ARHGEF3: variants seen among roughly 807,000 people sequenced by gnomAD.
The protein encoded by ARHGEF3 is 59.8 kDA protein.
A neutral mutation model predicts 63.2 loss-of-function variants in ARHGEF3; 28 were observed. The ratio of observed to expected loss-of-function variants is 0.44; its 90% CI spans 0.33 to 0.61. The LOEUF is 0.61. Among genes scored for constraint, ARHGEF3 ranks in the 20% least tolerant of loss-of-function variants. ARHGEF3 has a pLI of 0.03. For missense variants in ARHGEF3, 533 were observed against 659.3 expected (o/e 0.81, Z 2.10); for synonymous variants, 266 against 254.2 (o/e 1.05, Z -0.44).
chr3:56,798,605 T>C (rs2037487501), intron 1 of ARHGEF3, among the ~76,000 whole-genome samples: 1 of 152,208 alleles, frequency 6.6e-6, no homozygotes, highest in African/African-American at 2.4e-5. Context: ...AAATATTGAT[T>C]TTTAACTTAC....
At chr3:56,740,341 TGTC>T (rs1396037759) in intron 7 of ARHGEF3, among the ~76,000 whole-genome samples, 1 of 152,132 alleles carries the variant, frequency 6.6e-6, no homozygotes, top group Non-Finnish European at 1.5e-5. Context: ...TGGCCTTTGA[TGTC>T]AACCTAATAT....
chr3:56,950,405 A>C (rs955635020), intron 3 of ARHGEF3, among the ~76,000 whole-genome samples: 5 of 152,010 alleles, frequency 3.3e-5, no homozygotes, highest in Admixed American at 6.6e-5. Context: ...AATATCCAGA[A>C]TCTACAATGA....
intron 2 of ARHGEF3, among the ~76,000 whole-genome samples, chr3:56,767,089 T>C (rs559019020): frequency 2.1e-4 from 32 of 150,910 alleles, no homozygotes; most frequent in African/African-American, 7.8e-4. Flanking sequence ...GTGGTAGGAC[T>C]GCTTGAGGCC....
chr3:56,946,865 G>A (rs910924576), intron 3 of ARHGEF3, among the ~76,000 whole-genome samples: 3 of 152,130 alleles, frequency 2.0e-5, no homozygotes, highest in Non-Finnish European at 2.9e-5. Flanking sequence ...AAATGTTAAG[G>A]GCAGCCAGAG....
At chr3:56,891,933 T>C (rs1233277779) in intron 3 of ARHGEF3, among the ~76,000 whole-genome samples, 2 of 152,180 alleles carry the variant, frequency 1.3e-5, no homozygotes, top group African/African-American at 2.4e-5. Flanking sequence ...TTATATGATC[T>C]TAGCCATGGA....
intron 7 of ARHGEF3, among the ~76,000 whole-genome samples, chr3:56,739,872 T>C (rs149733294): frequency 0.011 from 1,664 of 152,140 alleles, 33 homozygotes; most frequent in African/African-American, 0.038. Flanking sequence ...ACAATCTGTA[T>C]ATTTTTGTAG....
rs1037992237 is a variant in ARHGEF3, at chr3:56,872,746, A to G, written c.192+9546T>C. ...GCTGGTCTCGAACTCCTGATCTTGTAGTTCACCCGCCTCAGCCTCCTAACG... is the reference window on the plus strand; with the variant it reads ...GCTGGTCTCGAACTCCTGATCTTGTGGTTCACCCGCCTCAGCCTCCTAACG... On this transcript the variant is annotated intron_variant, in intron 4 of 12. Transcript: ENST00000338458. Among the ~76,000 whole-genome samples the G allele has an allele frequency of 2.2e-4, 33 of 152,052 alleles. 1 individual carries two copies. Among genetic ancestry groups the G allele is most frequent in the Admixed American group, 1.6e-3 (25 of 15,262 alleles).
chr3:56,799,393 T>C (rs951910161), intron 1 of ARHGEF3, among the ~76,000 whole-genome samples: 8 of 152,212 alleles, frequency 5.3e-5, no homozygotes, highest in Non-Finnish European at 7.3e-5. Flanking sequence ...GGTGCTCTGT[T>C]GCAACGGCCT....
intron 1 of ARHGEF3, among the ~76,000 whole-genome samples, chr3:57,059,270 C>G (rs997863600): frequency 6.6e-6 from 1 of 151,800 alleles, no homozygotes; most frequent in Non-Finnish European, 1.5e-5. Flanking sequence ...TAAGCCTTGT[C>G]TTTAAGCCTA....
chr3:56,792,113 A>AAAAAAAAAG (rs55899473), intron 1 of ARHGEF3, among the ~76,000 whole-genome samples: 40 of 140,058 alleles, frequency 2.9e-4, no homozygotes, highest in African/African-American at 8.9e-4. Flanking sequence ...CAAAAAAAAA[A>AAAAAAAAAG]AAAAGAAAAG....
intron 1 of ARHGEF3, among the ~76,000 whole-genome samples, chr3:57,042,700 A>ATTTTT (rs869145503): frequency 2.3e-4 from 15 of 66,136 alleles, no homozygotes; most frequent in African/African-American, 7.0e-4. Flanking sequence ...ATATATATAT[A>ATTTTT]TTTTTTTTTT....
intron 2 of ARHGEF3, among the ~76,000 whole-genome samples, chr3:57,010,250 A>C (rs12487820): frequency 0.021 from 3,179 of 151,734 alleles, 95 homozygotes; most frequent in African/African-American, 0.068. Context: ...GTCAGGAGAT[A>C]GAGACCATCC....
At chr3:56,893,811 C>CAAAAAA (rs537483698) in intron 3 of ARHGEF3, among the ~76,000 whole-genome samples, 7 of 79,556 alleles carry the variant, frequency 8.8e-5, no homozygotes, top group Non-Finnish European at 1.4e-4. Flanking sequence ...GACTCTGTCT[C>CAAAAAA]AAAAAAAAAA....
intron 1 of ARHGEF3, among the ~76,000 whole-genome samples, chr3:57,040,085 T>C (rs113820646): frequency 5.3e-4 from 81 of 152,274 alleles, no homozygotes; most frequent in African/African-American, 1.8e-3. Context: ...ATGGATGACC[T>C]ACAACCACAT....
At chr3:56,944,209 C>T (rs941644429) in intron 3 of ARHGEF3, among the ~76,000 whole-genome samples, 1 of 152,102 alleles carries the variant, frequency 6.6e-6, no homozygotes, top group Non-Finnish European at 1.5e-5. Flanking sequence ...ACAAAAACAT[C>T]TCTTAAGGCC....
At chr3:57,052,972 G>GT (rs1266924799) in intron 1 of ARHGEF3, among the ~76,000 whole-genome samples, 1 of 152,132 alleles carries the variant, frequency 6.6e-6, no homozygotes, top group African/African-American at 2.4e-5. Flanking sequence ...AGCAGCCCAG[G>GT]GTGTGGGTGC....
chr3:56,928,679 T>G (rs977612383), intron 3 of ARHGEF3, among the ~76,000 whole-genome samples: 6 of 151,974 alleles, frequency 3.9e-5, no homozygotes, highest in African/African-American at 1.5e-4. Flanking sequence ...TTAGATGAAC[T>G]GAGACACAGC....
chr3:56,774,702 C>A (rs2036193272), intron 1 of ARHGEF3, among the ~76,000 whole-genome samples: 1 of 152,060 alleles, frequency 6.6e-6, no homozygotes, highest in Non-Finnish European at 1.5e-5. Flanking sequence ...GAGTTCAAGA[C>A]CAGCCTGGCC....
At chr3:56,746,038 G>A (rs2034364035) in intron 6 of ARHGEF3, among the ~76,000 whole-genome samples, 1 of 152,186 alleles carries the variant, frequency 6.6e-6, no homozygotes, top group Admixed American at 6.5e-5. Context: ...CTAGCAAAAT[G>A]CTAATTTCTC....
Sources: allele counts gnomAD v4.1 joint callset (sites outside exome capture counted in the v4.1 genomes callset), GRCh38; gene constraint gnomAD v4.1.1; transcripts MANE v1.5; gene names NCBI Gene and HGNC (gene_info 2026-07-23, HGNC 2026-07-21).